SND1: variants seen among roughly 807,000 people sequenced by gnomAD.
SND1 encodes staphylococcal nuclease domain-containing protein 1.
SND1 carries 38 observed loss-of-function variants against 121.7 expected under a neutral mutation model. The ratio of observed to expected loss-of-function variants is 0.31; its 90% CI spans 0.24 to 0.41. The LOEUF (loss-of-function observed/expected upper bound fraction) is 0.41. Ranked by LOEUF, SND1 falls within the 10% of genes least tolerant of loss-of-function variation. SND1 has a pLI of 1.00. For missense variants in SND1, 868 were observed against 1,184.6 expected (o/e 0.73, Z 3.92); for synonymous variants, 401 against 447.4 (o/e 0.90, Z 1.31).
chr7:127,844,509 C>T, intron 12 of SND1, 85 bp downstream of exon 12: 1 of 1,092,482 alleles, frequency 9.2e-7, no homozygotes, highest in South Asian at 1.5e-5. Context: ...CTTCCTTTCA[C>T]TCTGCTTTGC....
At chr7:127,786,400 C>T (rs899847774) in intron 10 of SND1, among the ~76,000 whole-genome samples, 2 of 152,140 alleles carry the variant, frequency 1.3e-5, no homozygotes, top group African/African-American at 4.8e-5. Context: ...TCATTGGGAA[C>T]AATTTCTCTG....
intron 11 of SND1, among the ~76,000 whole-genome samples, chr7:127,819,970 C>G (rs1340448261): frequency 6.6e-6 from 1 of 151,550 alleles, no homozygotes; most frequent in African/African-American, 2.4e-5. Context: ...ATGTAAATCT[C>G]TACTGTTTCT....
In SND1 at chr7:128,053,036, A is replaced by G. The variant is rs529726712; in HGVS notation, c.1780-21466A>G. ...TAAAAAAATTTGCTTACATATATTGAATAGGCATTAGCCAGATTAAATAGT... is the reference window on the plus strand; with the variant it reads ...TAAAAAAATTTGCTTACATATATTGGATAGGCATTAGCCAGATTAAATAGT... On this transcript the variant is annotated intron_variant, in intron 16 of 23. Coordinates refer to ENST00000354725, the MANE Select transcript of SND1 (RefSeq NM_014390.4). 1.2e-3 allele frequency among the ~76,000 whole-genome samples: 190 copies of G among 152,370 alleles called. 5 individuals are homozygous for G. The South Asian group carries it at 0.037, about 30-fold the overall frequency.
Position 127,781,553 on chromosome 7 carries a change from TAAG to T in SND1, c.1153-25928_1153-25926del, listed in dbSNP as rs531530252. 5.2e-3 allele frequency among the ~76,000 whole-genome samples: 789 copies of T among 150,658 alleles called. 4 individuals carry two copies. The highest frequency in any genetic ancestry group is 0.017 in the Middle Eastern group (5 of 292). On this transcript the variant is annotated intron_variant, in intron 10 of 23. Coordinates refer to ENST00000354725, the MANE Select transcript of SND1 (RefSeq NM_014390.4). The stretch of plus-strand genomic sequence containing the variant: ...AGCAGTGCTTTGGCTCCATAGGAGT[TAAG>T]AAAGGAAGAAGAAACTTTTTTGTTC...
chr7:127,885,824 G>A (rs138222979), intron 12 of SND1, among the ~76,000 whole-genome samples: 1 of 152,148 alleles, frequency 6.6e-6, no homozygotes, highest in East Asian at 1.9e-4. Flanking sequence ...AATTCAAAAT[G>A]CAGTAACAAA....
chr7:128,074,654 G>C lies in SND1; in HGVS notation c.1932G>C (p.Leu644=), dbSNP rs752336399. 11 of 1,613,510 alleles carry C rather than the reference G, an allele frequency of 6.8e-6. No homozygotes were observed. The South Asian group carries it at 1.2e-4, about 18-fold the overall frequency. The change falls in exon 17 of 24, where the codon CTG becomes CTC. Residue 644 remains leucine, a synonymous_variant. Coordinates refer to ENST00000354725, the MANE Select transcript of SND1 (RefSeq NM_014390.4). ...GCAGCTCCTACTACAAGTCCCTGCT[G>C]TCTGCCGAGGAGGCCGCAAAGCAGA... ...AERSSYYKSL[L]SAEEAAKQKK...
intron 20 of SND1, 31 bp from the exon 21 acceptor site, chr7:128,086,907 G>A: frequency 6.4e-7 from 1 of 1,552,006 alleles, no homozygotes; most frequent in Non-Finnish European, 8.9e-7. Flanking sequence ...CAGCGAGTAT[G>A]TGACATGTTG....
At chr7:127,764,792 G>C (rs2116484263) in intron 10 of SND1, among the ~76,000 whole-genome samples, 1 of 152,302 alleles carries the variant, frequency 6.6e-6, no homozygotes, top group Non-Finnish European at 1.5e-5. Flanking sequence ...TTTCAAATTG[G>C]AACCTTTTCT....
intron 12 of SND1, among the ~76,000 whole-genome samples, chr7:127,878,827 C>T (rs1479348645): frequency 2.0e-5 from 3 of 152,108 alleles, no homozygotes; most frequent in Non-Finnish European, 4.4e-5. Context: ...TTTAGTAAAT[C>T]TATAAAGCAT....
chr7:127,763,328 C>T (rs573840058), intron 10 of SND1, among the ~76,000 whole-genome samples: 1 of 152,174 alleles, frequency 6.6e-6, no homozygotes, highest in East Asian at 1.9e-4. Flanking sequence ...CATATGTGCA[C>T]ATCATATATA....
At chr7:127,890,030 G>A (rs1022320531) in intron 13 of SND1, among the ~76,000 whole-genome samples, 2 of 152,002 alleles carry the variant, frequency 1.3e-5, no homozygotes, top group African/African-American at 2.4e-5. Flanking sequence ...CCCTTTTTTA[G>A]GCGGTATATA....
At chr7:127,857,019 T>C (rs1373072750) in intron 12 of SND1, among the ~76,000 whole-genome samples, 1 of 152,090 alleles carries the variant, frequency 6.6e-6, no homozygotes. Context: ...TGGCTTACTG[T>C]CTTTCAAAGC....
chr7:127,991,195 C>G, intron 16 of SND1, 139 bp downstream of exon 16: 1 of 639,894 alleles, frequency 1.6e-6, no homozygotes, highest in Non-Finnish European at 2.7e-6. Flanking sequence ...TGTGTCTGCC[C>G]ACATCTTATT....
chr7:127,675,073 C>T (rs765271262), intron 1 of SND1, among the ~76,000 whole-genome samples: 4 of 152,164 alleles, frequency 2.6e-5, no homozygotes, highest in Admixed American at 6.5e-5. Flanking sequence ...TGGTGGCACA[C>T]GCCTGTGGTC....
intron 10 of SND1, among the ~76,000 whole-genome samples, chr7:127,769,248 GT>G (rs572439921): frequency 1.4e-4 from 21 of 146,280 alleles, no homozygotes; most frequent in East Asian, 6.0e-4. Context: ...TAGGTAGAGT[GT>G]TTTTTTTTTT....
intron 10 of SND1, among the ~76,000 whole-genome samples, chr7:127,791,688 A>G (rs567984798): frequency 3.9e-5 from 6 of 152,326 alleles, no homozygotes; most frequent in African/African-American, 1.4e-4. Context: ...CTGGCTTAAG[A>G]GAAGTTCCTA....
intron 13 of SND1, among the ~76,000 whole-genome samples, chr7:127,891,830 CA>C (rs879441529): frequency 4.6e-5 from 7 of 152,108 alleles, no homozygotes; most frequent in Non-Finnish European, 8.8e-5. Context: ...TGAACCAAGC[CA>C]GTTTGAATTA....
intron 16 of SND1, among the ~76,000 whole-genome samples, chr7:128,001,382 T>C (rs901316288): frequency 1.3e-5 from 2 of 152,232 alleles, no homozygotes; most frequent in Non-Finnish European, 1.5e-5. Flanking sequence ...CCATTTGCTG[T>C]CTGACCATGC....
Position 127,707,680 on chromosome 7 carries a change from T to G in SND1, c.1038+33T>G, listed in dbSNP as rs201001209. 14 of 1,523,658 alleles carry G rather than the reference T, an allele frequency of 9.2e-6. No individual in the cohort carries two copies. In the African/African-American group the frequency reaches 1.6e-4, roughly 18 times the overall value. The allele number at this position is 1,523,658 out of a possible 1,614,324, so 94.4% of individuals were successfully genotyped here. ...ATTCTCAGCATCTTGATATGCATAGTGGACATTGCCAGGCGAGTAATAATA... is the reference window on the plus strand; with the variant it reads ...ATTCTCAGCATCTTGATATGCATAGGGGACATTGCCAGGCGAGTAATAATA... On this transcript the variant is annotated intron_variant, in intron 9 of 23. Coordinates refer to ENST00000354725, the MANE Select transcript of SND1 (RefSeq NM_014390.4).
Sources: gnomAD v4.1 joint callset for allele counts (sites outside exome capture counted in the v4.1 genomes callset) on GRCh38, gnomAD v4.1.1 for gene constraint, MANE v1.5 for transcripts, NCBI Gene and HGNC (gene_info 2026-07-23, HGNC 2026-07-21) for gene names.